Variants in NRXN1 observed in about 807,000 individuals in gnomAD.
The protein encoded by NRXN1 is neurexin 1, also known as neurexin-1.
A neutral mutation model predicts 150.9 loss-of-function variants in NRXN1; 39 were observed. The ratio of observed to expected loss-of-function variants is 0.26; its 90% CI spans 0.20 to 0.34. The LOEUF (loss-of-function observed/expected upper bound fraction) is 0.34, where lower values mean the gene tolerates loss of function less well. NRXN1 is among the 10% of genes least tolerant of loss of function. The pLI is 1.00. For missense variants in NRXN1, 1,815 were observed against 1,949.9 expected (o/e 0.93, Z 1.30); for synonymous variants, 924 against 757.0 (o/e 1.22, Z -3.62).
intron 21 of NRXN1, among the ~76,000 whole-genome samples, chr2:49,945,603 GT>G (rs1221241832): frequency 6.6e-6 from 1 of 151,898 alleles, no homozygotes; most frequent in Non-Finnish European, 1.5e-5. Context: ...TGTTCTCATT[GT>G]TCAACTCCCA....
At chr2:51,007,141 T>C (rs1417291843) in intron 2 of NRXN1, among the ~76,000 whole-genome samples, 1 of 151,988 alleles carries the variant, frequency 6.6e-6, no homozygotes, top group Non-Finnish European at 1.5e-5. Context: ...TAACTCTTCG[T>C]CTCTTTTTAT....
intron 2 of NRXN1, among the ~76,000 whole-genome samples, chr2:50,993,958 T>G (rs930194428): frequency 1.3e-5 from 2 of 152,050 alleles, no homozygotes; most frequent in Non-Finnish European, 2.9e-5. Context: ...TTGACTATTC[T>G]AATTCATCTT....
chr2:50,357,513 A>G (rs2078905048), intron 17 of NRXN1, among the ~76,000 whole-genome samples: 2 of 151,724 alleles, frequency 1.3e-5, no homozygotes, highest in East Asian at 3.9e-4. Flanking sequence ...TCTCCATGTT[A>G]GTCAGGCTGA....
intron 5 of NRXN1, among the ~76,000 whole-genome samples, chr2:50,680,768 A>T (rs1170049728): frequency 6.6e-6 from 1 of 152,126 alleles, no homozygotes; most frequent in African/African-American, 2.4e-5. Flanking sequence ...AGTGAAAAAA[A>T]AAAAAGCTAA....
At chr2:50,569,899 G>T (rs951523094) in intron 8 of NRXN1, among the ~76,000 whole-genome samples, 2 of 152,080 alleles carry the variant, frequency 1.3e-5, no homozygotes, top group African/African-American at 4.8e-5. Context: ...ATAATTATAT[G>T]ATGAAACCAG....
At chr2:50,760,739 G>GT (rs772593411) in intron 5 of NRXN1, among the ~76,000 whole-genome samples, 1 of 151,886 alleles carries the variant, frequency 6.6e-6, no homozygotes, top group Non-Finnish European at 1.5e-5. Flanking sequence ...ATTTTCAATT[G>GT]TGTGTATGTG....
At chr2:50,433,365 T>C (rs17534041) in intron 17 of NRXN1, among the ~76,000 whole-genome samples, 6,211 of 152,310 alleles carry the variant, frequency 0.041, 152 homozygotes, top group South Asian at 0.048. Context: ...TGTTTAAAAA[T>C]ACACAAACTT....
At chr2:50,775,496 T>C (rs1703505055) in intron 5 of NRXN1, among the ~76,000 whole-genome samples, 1 of 152,170 alleles carries the variant, frequency 6.6e-6, no homozygotes, top group Non-Finnish European at 1.5e-5. Context: ...AAGCAAATGT[T>C]AGAGTTTTTA....
At chr2:50,604,290 G>A (rs890627231) in intron 8 of NRXN1, among the ~76,000 whole-genome samples, 17 of 152,038 alleles carry the variant, frequency 1.1e-4, no homozygotes, top group African/African-American at 2.4e-4. Context: ...TTAAAAATGC[G>A]GGTCTACTGT....
At chr2:50,711,457 T>A (rs1302932291) in intron 5 of NRXN1, among the ~76,000 whole-genome samples, 1 of 150,668 alleles carries the variant, frequency 6.6e-6, no homozygotes, top group Non-Finnish European at 1.5e-5. Context: ...TGTCTCAGCC[T>A]CCTGAGTAGC....
chr2:50,838,792 G>T (rs1280323479), intron 5 of NRXN1, among the ~76,000 whole-genome samples: 4 of 152,088 alleles, frequency 2.6e-5, no homozygotes, highest in African/African-American at 9.7e-5. Context: ...AGGGAGCACT[G>T]CCCTGTCAGT....
intron 22 of NRXN1, among the ~76,000 whole-genome samples, chr2:49,928,987 A>C (rs1669644018): frequency 6.6e-6 from 1 of 152,186 alleles, no homozygotes; most frequent in African/African-American, 2.4e-5. Flanking sequence ...CTTGGAAATC[A>C]ATAAACCTTT....
intron 12 of NRXN1, among the ~76,000 whole-genome samples, chr2:50,513,642 A>G (rs1276914860): frequency 1.3e-5 from 2 of 152,152 alleles, no homozygotes; most frequent in South Asian, 2.1e-4. Context: ...TATCTTGTGA[A>G]CAATTTATAC....
At chr2:50,310,875 A>T (rs2075119479) in intron 17 of NRXN1, among the ~76,000 whole-genome samples, 1 of 152,170 alleles carries the variant, frequency 6.6e-6, no homozygotes, top group Non-Finnish European at 1.5e-5. Flanking sequence ...ATTTATAATT[A>T]CCATGTGGTA....
intron 5 of NRXN1, among the ~76,000 whole-genome samples, chr2:50,866,217 G>T (rs1212939201): frequency 6.6e-6 from 1 of 151,890 alleles, no homozygotes; most frequent in Non-Finnish European, 1.5e-5. Context: ...CCACCACATT[G>T]AAACTGTGGC....
chr2:50,474,242 A>G (rs1384148948), intron 15 of NRXN1, among the ~76,000 whole-genome samples: 1 of 151,932 alleles, frequency 6.6e-6, no homozygotes, highest in Non-Finnish European at 1.5e-5. Flanking sequence ...AAAGGATATG[A>G]ATCAGAAATC....
chr2:50,170,756 CGT>C (rs58130457), intron 18 of NRXN1, among the ~76,000 whole-genome samples: 11,113 of 142,806 alleles, frequency 0.078, 793 homozygotes, highest in African/African-American at 0.18. Flanking sequence ...CTCTGTCTGT[CGT>C]GTGTGTGTGT....
At chr2:50,925,531 G>T (rs1255139030) in intron 3 of NRXN1, among the ~76,000 whole-genome samples, 1 of 151,758 alleles carries the variant, frequency 6.6e-6, no homozygotes, top group Non-Finnish European at 1.5e-5. Context: ...GGCTTGAAAT[G>T]AGATAATGCT....
At chr2:50,012,676 T>C (rs967141219) in intron 21 of NRXN1, among the ~76,000 whole-genome samples, 2 of 152,168 alleles carry the variant, frequency 1.3e-5, no homozygotes, top group African/African-American at 2.4e-5. Flanking sequence ...ATTCATTTAT[T>C]TACTCACTGA....
Sources: gnomAD v4.1 joint callset for allele counts (sites outside exome capture counted in the v4.1 genomes callset) on GRCh38, gnomAD v4.1.1 for gene constraint, MANE v1.5 for transcripts, NCBI Gene and HGNC (gene_info 2026-07-23, HGNC 2026-07-21) for gene names.